Variants in MSMP observed in about 807,000 individuals in gnomAD.
The protein encoded by MSMP is prostate-associated microseminoprotein.
In MSMP, 9 loss-of-function variants were observed where a neutral mutation model predicts 15.8. The ratio of observed to expected loss-of-function variants is 0.57; its 90% confidence interval spans 0.34 to 0.99. The LOEUF is 0.99. Ranked by LOEUF, MSMP falls within the 50% of genes least tolerant of loss-of-function variation. The pLI is 0.02. For missense variants in MSMP, 170 were observed against 173.4 expected (o/e 0.98, Z 0.11); for synonymous variants, 64 against 64.4 (o/e 0.99, Z 0.03).
chr9:35,753,139 G>A lies in MSMP; in HGVS notation c.381C>T (p.Asn127=), dbSNP rs1451891057. ...GAGCAGGAGCCCCAGGAACAGGGGT[G>A]TTGGCTGAGCCCCATTCTGGGTCAG... The part of the protein sequence containing the change: ...GGPDPEWGSA[N]TPVPGAPAPH... Residue 127 remains asparagine (N), a synonymous_variant, in exon 3 of 3, where the codon AAC becomes AAT. Transcript: ENST00000436428. This position sits in a 1 kb window ranked among gnomAD's most constrained non-coding sequence, Gnocchi z 4.2. 1 of 1,614,226 alleles carries A rather than the reference G, an allele frequency of 6.2e-7. No homozygotes were observed.
rs559252593 is a variant in MSMP at position 35,753,659 on chromosome 9, C to T, written c.239+1G>A. On this transcript the variant is annotated splice_donor_variant, in intron 2 of 2. Transcript: ENST00000436428. LOFTEE classifies it high-confidence loss of function. The surrounding 1 kb of genome is among the most constrained non-coding windows in gnomAD (Gnocchi z 4.2). ...CTCTCTGGCCATCTTTGGTCACTCA[C>T]GTGTCACAGCAGCCCACGCCAACAG... 16 of 1,612,420 alleles carry T rather than the reference C, an allele frequency of 9.9e-6. No individual in the cohort carries two copies. Among genetic ancestry groups the T allele is most frequent in the African/African-American group, 9.3e-5 (7 of 74,992 alleles).
Position 35,754,177 on chromosome 9 carries a change from C to T in MSMP, c.-48G>A. The stretch of plus-strand genomic sequence containing the variant: ...ACCCTTCTTGGCCTCTGCTCAGCTA[C>T]TCTGGTCTTGACTCCTTGACTTTGC... On this transcript the variant is annotated 5_prime_UTR_variant, in exon 1 of 3. Transcript: ENST00000436428. 1 of 1,581,024 alleles carries T rather than the reference C, an allele frequency of 6.3e-7. No individual in the cohort carries two copies. Among genetic ancestry groups the T allele is most frequent in the Non-Finnish European group, 8.6e-7 (1 of 1,162,098 alleles).
In MSMP at chr9:35,753,591, G is replaced by T; in HGVS notation, c.239+69C>A. The T allele has an allele frequency of 7.6e-7, 1 of 1,315,958 alleles. No individual in the cohort carries two copies. Among genetic ancestry groups the T allele is most frequent in the Non-Finnish European group, 1.1e-6 (1 of 927,544 alleles). 81.5% of individuals were successfully genotyped at this position (1,315,958 alleles called of 1,614,324 possible). On this transcript the variant is annotated intron_variant, in intron 2 of 2. Transcript: ENST00000436428. This position sits in a 1 kb window ranked among gnomAD's most constrained non-coding sequence, Gnocchi z 4.2. ...TTCATTCTTACATCACAGCAATCTA[G>T]TCACTCCCTGGTCATCCCTCAGTCA...
Position 35,753,350 on chromosome 9 carries a change from C to T in MSMP, c.240-70G>A. On this transcript the variant is annotated intron_variant, in intron 2 of 2. Coordinates refer to ENST00000436428, the MANE Select transcript of MSMP (RefSeq NM_001044264.3). The surrounding 1 kb of genome is among the most constrained non-coding windows in gnomAD (Gnocchi z 4.2). ...TGCCTTTATCCCTGCCCACATGTTC[C>T]CTCTCTCACAGTTTTCCCCCCACAG... 3 of 1,524,728 alleles carry T rather than the reference C, an allele frequency of 2.0e-6. No individual in the cohort carries two copies. The highest frequency in any genetic ancestry group is 2.3e-5 in the East Asian group (1 of 43,976). The allele number at this position is 1,524,728 out of a possible 1,614,324, so 94.4% of individuals were successfully genotyped here.
rs1827321195 is a variant in MSMP at position 35,754,064 on chromosome 9, G to A, written c.66C>T (p.Cys22=). ...GCTGGAGGAGTAGAGACATCACCAAGCAGATGATCCCCCAGCCTCCTAGGA... is the reference window on the plus strand; with the variant it reads ...GCTGGAGGAGTAGAGACATCACCAAACAGATGATCCCCCAGCCTCCTAGGA... ...KGILGGWGII[C]LVMSLLLQHP... Residue 22 remains cysteine, a synonymous_variant, in exon 1 of 3, where the codon TGC becomes TGT. Transcript: ENST00000436428. The A allele has an allele frequency of 6.2e-7, 1 of 1,613,858 alleles. No individual in the cohort carries two copies. The highest frequency in any genetic ancestry group is 8.5e-7 in the Non-Finnish European group (1 of 1,179,850).
In MSMP at chr9:35,754,208, GT is replaced by G; in HGVS notation, c.-80del. 6.6e-7 allele frequency: 1 copy of G among 1,522,514 alleles called. No homozygotes were observed. Among genetic ancestry groups the G allele is most frequent in the East Asian group, 2.3e-5 (1 of 43,438 alleles). The allele number at this position is 1,522,514 out of a possible 1,614,324, so 94.3% of individuals were successfully genotyped here. On this transcript the variant is annotated 5_prime_UTR_variant, in exon 1 of 3. Coordinates refer to ENST00000436428, the MANE Select transcript of MSMP (RefSeq NM_001044264.3). The stretch of plus-strand genomic sequence containing the variant: ...TCTTGACTCCTTGACTTTGCTTTGC[GT>G]TGCTCCTTGAGTCTTAGTTTCTGTC...
rs1217423882 is a variant in MSMP, at chr9:35,753,554, A to ATTGCTC, written c.239+100_239+105dup. 8 of 1,002,282 alleles carry ATTGCTC rather than the reference A, an allele frequency of 8.0e-6. No homozygotes were observed. Among genetic ancestry groups the ATTGCTC allele is most frequent in the Admixed American group, 6.5e-5 (3 of 46,144 alleles). The allele number at this position is 1,002,282 out of a possible 1,614,324, so 62.1% of individuals were successfully genotyped here. A position where few individuals can be genotyped will look rare whatever the true frequency, so the allele number is the denominator to read the frequency against. ...TCCCTTCAGGTTTGGCCCATCTTGT[A>ATTGCTC]TTGCTCTTCTGTTCATTCTTACATC... On this transcript the variant is annotated intron_variant, in intron 2 of 2. Coordinates refer to ENST00000436428, the MANE Select transcript of MSMP (RefSeq NM_001044264.3). This position sits in a 1 kb window ranked among gnomAD's most constrained non-coding sequence, Gnocchi z 4.2.
rs1169712428 is a variant in MSMP, at chr9:35,753,191, G to A, written c.329C>T (p.Pro110Leu). Reference sequence around the variant, plus strand: ...CCCTCCCCCTTTGCAGGGCAGCCGAGGGTCAGATTTTTGCACCAAGGAGAA... The same window carrying A: ...CCCTCCCCCTTTGCAGGGCAGCCGAAGGTCAGATTTTTGCACCAAGGAGAA... ...CQFSLVQKSD[P>L]RLPCKGGGPD... The change falls in exon 3 of 3, where the codon CCT becomes CTT. Residue 110 changes from proline (P) to leucine (L), a missense_variant. Coordinates refer to ENST00000436428, the MANE Select transcript of MSMP (RefSeq NM_001044264.3). The surrounding 1 kb of genome is among the most constrained non-coding windows in gnomAD (Gnocchi z 4.2). The A allele has an allele frequency of 1.9e-6, 3 of 1,614,074 alleles. No homozygotes were observed. The highest frequency in any genetic ancestry group is 4.5e-5 in the East Asian group (2 of 44,888).
chr9:35,754,032 C>T lies in MSMP; in HGVS notation c.98G>A (p.Gly33Glu). ...LVMSLLLQHP[G>E]VYSKCYFQAQ... ...TTGGAAGTAGCACTTGCTGTAGACT[C>T]CTGGGTGCTGGAGGAGTAGAGACAT... Residue 33 changes from glycine to glutamate, a missense_variant, in exon 1 of 3, where the codon GGA becomes GAA. Coordinates refer to ENST00000436428, the MANE Select transcript of MSMP (RefSeq NM_001044264.3). The T allele has an allele frequency of 6.2e-7, 1 of 1,613,812 alleles. No homozygotes were observed. Among genetic ancestry groups the T allele is most frequent in the Non-Finnish European group, 8.5e-7 (1 of 1,179,826 alleles).
Position 35,753,859 on chromosome 9 carries a change from C to G in MSMP, c.131-91G>C, listed in dbSNP as rs901464757. 1 of 1,517,418 alleles carries G rather than the reference C, an allele frequency of 6.6e-7. No individual in the cohort carries two copies. The highest frequency in any genetic ancestry group is 9.1e-7 in the Non-Finnish European group (1 of 1,104,228). 94.0% of individuals were successfully genotyped at this position (1,517,418 alleles called of 1,614,324 possible). On this transcript the variant is annotated intron_variant, in intron 1 of 2. Transcript: ENST00000436428. This position sits in a 1 kb window ranked among gnomAD's most constrained non-coding sequence, Gnocchi z 4.2. ...CTGGGGTGGAGACAGTAAGTACGCA[C>G]TATCCCCGTATTTAGTTTGTCTTTC... is the stretch of plus-strand genomic sequence containing the variant.
rs1827314696 is a variant in MSMP at position 35,753,817 on chromosome 9, G to A, written c.131-49C>T. 6.4e-7 allele frequency: 1 copy of A among 1,557,128 alleles called. No individual in the cohort carries two copies. Reference sequence around the variant, plus strand: ...GTAGGTGTAGGAGTGCTGATGAGAGGCAGAGGCTCTTCTGGTCTGGGGTGG... The same window carrying A: ...GTAGGTGTAGGAGTGCTGATGAGAGACAGAGGCTCTTCTGGTCTGGGGTGG... On this transcript the variant is annotated intron_variant, in intron 1 of 2. Transcript: ENST00000436428. This position sits in a 1 kb window ranked among gnomAD's most constrained non-coding sequence, Gnocchi z 4.2.
rs761595234 is a variant in MSMP at position 35,753,149 on chromosome 9, C to T, written c.371G>A (p.Gly124Asp). Reference protein sequence around the residue: ...CKGGGPDPEWGSANTPVPGAP... With the variant: ...CKGGGPDPEWDSANTPVPGAP... Reference sequence around the variant, plus strand: ...CCCAGGAACAGGGGTGTTGGCTGAGCCCCATTCTGGGTCAGGCCCTCCCCC... The same window carrying T: ...CCCAGGAACAGGGGTGTTGGCTGAGTCCCATTCTGGGTCAGGCCCTCCCCC... The change falls in exon 3 of 3, where the codon GGC becomes GAC. Residue 124 changes from glycine to aspartate, a missense_variant. Physicochemically the swap from Gly to Asp is moderately conservative, Grantham distance 94. Coordinates refer to ENST00000436428, the MANE Select transcript of MSMP (RefSeq NM_001044264.3). The surrounding 1 kb of genome is among the most constrained non-coding windows in gnomAD (Gnocchi z 4.2). The T allele has an allele frequency of 6.2e-7, 1 of 1,614,188 alleles. No homozygotes were observed. Among genetic ancestry groups the T allele is most frequent in the Non-Finnish European group, 8.5e-7 (1 of 1,180,028 alleles).
At position 35,754,217 on chromosome 9, in the gene MSMP, T is replaced by G; in HGVS notation, c.-88A>C. On this transcript the variant is annotated 5_prime_UTR_variant, in exon 1 of 3. Transcript: ENST00000436428. Reference sequence around the variant, plus strand: ...CTTGACTTTGCTTTGCGTTGCTCCTTGAGTCTTAGTTTCTGTCTTTCTCCC... The same window carrying G: ...CTTGACTTTGCTTTGCGTTGCTCCTGGAGTCTTAGTTTCTGTCTTTCTCCC... 6.7e-7 allele frequency: 1 copy of G among 1,494,416 alleles called. No homozygotes were observed. The highest frequency in any genetic ancestry group is 2.3e-5 in the East Asian group (1 of 43,176). The allele number at this position is 1,494,416 out of a possible 1,614,324, so 92.6% of individuals were successfully genotyped here. A position where few individuals can be genotyped will look rare whatever the true frequency, so the allele number is the denominator to read the frequency against.
At position 35,753,233 on chromosome 9, in the gene MSMP, T is replaced by C. The variant is rs776309471; in HGVS notation, c.287A>G (p.Glu96Gly). ...DFPAGCEVRQ[E>G]AGTCQFSLVQ... ...CAAGGAGAACTGGCAGGTTCCTGCC[T>C]CCTGACGTACCTCACACCCAGCCGG... The change falls in exon 3 of 3, where the codon GAG becomes GGG. Residue 96 changes from glutamate (E) to glycine (G), a missense_variant. Transcript: ENST00000436428. The surrounding 1 kb of genome is among the most constrained non-coding windows in gnomAD (Gnocchi z 4.2). 1 of 1,614,144 alleles carries C rather than the reference T, an allele frequency of 6.2e-7. No individual in the cohort carries two copies. The highest frequency in any genetic ancestry group is 8.5e-7 in the Non-Finnish European group (1 of 1,180,016).
At position 35,754,137 on chromosome 9, in the gene MSMP, G is replaced by A; in HGVS notation, c.-8C>T. On this transcript the variant is annotated 5_prime_UTR_variant, in exon 1 of 3. Transcript: ENST00000436428. ...GAGCATCCTTAGGGCCATTGCTGCT[G>A]CACAGCCCTCTCAGACCCTTCTTGG... is the stretch of plus-strand genomic sequence containing the variant. The A allele has an allele frequency of 6.2e-7, 1 of 1,610,460 alleles. No individual in the cohort carries two copies. Among genetic ancestry groups the A allele is most frequent in the Non-Finnish European group, 8.5e-7 (1 of 1,177,914 alleles).
Position 35,753,161 on chromosome 9 carries a change from TCAGGCCCTCCCC to T in MSMP, c.347_358del (p.Gly116_Pro119del). ...GGTGTTGGCTGAGCCCCATTCTGGG[TCAGGCCCTCCCC>T]CTTTGCAGGGCAGCCGAGGGTCAGA... On this transcript the variant is annotated inframe_deletion, in exon 3 of 3. Transcript: ENST00000436428. This position sits in a 1 kb window ranked among gnomAD's most constrained non-coding sequence, Gnocchi z 4.2. 6.2e-7 allele frequency: 1 copy of T among 1,614,118 alleles called. No homozygotes were observed. Among genetic ancestry groups the T allele is most frequent in the African/African-American group, 1.3e-5 (1 of 75,028 alleles).
In MSMP at chr9:35,753,956, C is replaced by T; in HGVS notation, c.130+44G>A. ...CTGTAAGGCCCCATCCTCCCTGTGC[C>T]CTCTCTGCTGCTCCTCCATTCCTAA... On this transcript the variant is annotated intron_variant, in intron 1 of 2. Transcript: ENST00000436428. This position sits in a 1 kb window ranked among gnomAD's most constrained non-coding sequence, Gnocchi z 4.2. 6.3e-7 allele frequency: 1 copy of T among 1,590,506 alleles called. No homozygotes were observed. The highest frequency in any genetic ancestry group is 8.6e-7 in the Non-Finnish European group (1 of 1,165,268).
chr9:35,753,727 A>T lies in MSMP; in HGVS notation c.172T>A (p.Ser58Thr). The T allele has an allele frequency of 6.2e-7, 1 of 1,614,146 alleles. No individual in the cohort carries two copies. Among genetic ancestry groups the T allele is most frequent in the Non-Finnish European group, 8.5e-7 (1 of 1,180,034 alleles). Residue 58 changes from serine (S) to threonine (T), a missense_variant, in exon 2 of 3, where the codon TCT becomes ACT. By Grantham distance (58) the Ser-to-Thr change is moderately conservative (BLOSUM62 1). Coordinates refer to ENST00000436428, the MANE Select transcript of MSMP (RefSeq NM_001044264.3). This position sits in a 1 kb window ranked among gnomAD's most constrained non-coding sequence, Gnocchi z 4.2. ...TGGAAACAGTCCTTGCGGAGCCAAGACTCACCCAGGGTAAAATATTTCCCC... is the reference window on the plus strand; with the variant it reads ...TGGAAACAGTCCTTGCGGAGCCAAGTCTCACCCAGGGTAAAATATTTCCCC... Reference protein sequence around the residue: ...YEGKYFTLGESWLRKDCFHCT... With the variant: ...YEGKYFTLGETWLRKDCFHCT...
chr9:35,753,031 C>A lies in MSMP; in HGVS notation c.*69G>T. On this transcript the variant is annotated 3_prime_UTR_variant, in exon 3 of 3. Transcript: ENST00000436428. The surrounding 1 kb of genome is among the most constrained non-coding windows in gnomAD (Gnocchi z 4.2). The stretch of plus-strand genomic sequence containing the variant: ...AATTTATTTGTTCAGAATACATTGG[C>A]AGCTGCTAGTGGTTTCCCTGGAAGT... The A allele has an allele frequency of 1.3e-6, 2 of 1,576,116 alleles. 1 individual carries two copies.
Sources: allele counts gnomAD v4.1 joint callset, GRCh38; gene constraint gnomAD v4.1.1; non-coding constraint Gnocchi (gnomAD v3.1); transcripts MANE v1.5; gene names NCBI Gene and HGNC (gene_info 2026-07-23, HGNC 2026-07-21).